Variants in ERAP1 observed in about 807,000 individuals in gnomAD.
ERAP1 encodes the protein adipocyte-derived leucine aminopeptidase.
Under a neutral mutation model 103.7 loss-of-function variants are expected in ERAP1, and 86 were observed. The observed-to-expected ratio is 0.83, with a 90% confidence interval of 0.70 to 0.99. The LOEUF (loss-of-function observed/expected upper bound fraction) is 0.99. Ranked by LOEUF, ERAP1 falls within the 50% of genes least tolerant of loss-of-function variation. The pLI is 0.00. For missense variants in ERAP1, 1,009 were observed against 1,128.4 expected (o/e 0.89, Z 1.52); for synonymous variants, 398 against 402.4 (o/e 0.99, Z 0.13).
chr5:96,887,387 G>A, the ERAP1 span, among the ~76,000 whole-genome samples: 1 of 148,528 alleles, frequency 6.7e-6, no homozygotes, highest in Non-Finnish European at 1.5e-5. Context: ...TGCAATCTCC[G>A]CCTCCTGGAT....
the ERAP1 span, among the ~76,000 whole-genome samples, chr5:96,871,187 G>A: frequency 6.6e-6 from 1 of 152,026 alleles, no homozygotes; most frequent in Non-Finnish European, 1.5e-5. Flanking sequence ...GAATCTGCTG[G>A]GCTCTGCCTT....
Position 96,775,305 on chromosome 5 carries a change from C to T in ERAP1, c.*1091G>A. The T allele has an allele frequency of 1.0e-6, 1 of 985,386 alleles. No individual in the cohort carries two copies. The highest frequency in any genetic ancestry group is 1.2e-6 in the Non-Finnish European group (1 of 829,878). The allele number at this position is 985,386 out of a possible 1,614,324, so 61.0% of individuals were successfully genotyped here. ...TCAAAGCCAAAGAATGTCCTATTTGCTAATATGAGCAAATATTTTGTTTCA... is the reference window on the plus strand; with the variant it reads ...TCAAAGCCAAAGAATGTCCTATTTGTTAATATGAGCAAATATTTTGTTTCA... On this transcript the variant is annotated 3_prime_UTR_variant, in exon 19 of 19. Transcript: ENST00000443439.
At chr5:96,891,493 GTGTGTGTATATATA>G in the ERAP1 span, among the ~76,000 whole-genome samples, 4 of 89,648 alleles carry the variant, frequency 4.5e-5, no homozygotes, top group Non-Finnish European at 6.6e-5. Context: ...ATGTGTGTGT[GTGTGTGTATATATA>G]TATATATATG....
chr5:96,774,997 GT>G lies in ERAP1; in HGVS notation c.*1398del, dbSNP rs1166647738. 1.0e-6 allele frequency: 1 copy of G among 985,408 alleles called. No homozygotes were observed. Among genetic ancestry groups the G allele is most frequent in the Admixed American group, 6.1e-5 (1 of 16,268 alleles). 61.0% of individuals were successfully genotyped at this position (985,408 alleles called of 1,614,324 possible). A position where few individuals can be genotyped will look rare whatever the true frequency, so the allele number is the denominator to read the frequency against. On this transcript the variant is annotated 3_prime_UTR_variant, in exon 19 of 19. Coordinates refer to ENST00000443439, the MANE Select transcript of ERAP1 (RefSeq NM_001040458.3). ...TTCAGTTTGAATTCTCCTTTGCCAG[GT>G]GTGAGGATTTCCGCACCTTAGAGTC...
the ERAP1 span, chr5:96,889,092 T>A: frequency 6.9e-7 from 1 of 1,448,674 alleles, no homozygotes; most frequent in Non-Finnish European, 9.5e-7. Flanking sequence ...CTTGAAAAGA[T>A]ACAGTCTGCC....
intron 15 of ERAP1, 44 bp downstream of exon 15, chr5:96,783,007 G>A (rs200539206): frequency 6.3e-7 from 1 of 1,590,370 alleles, no homozygotes; most frequent in East Asian, 2.2e-5. Context: ...AAACAGAAAA[G>A]ATGCCCTTCA....
rs751607776 is a variant in ERAP1 at position 96,788,562 on chromosome 5, T to C, written c.1648A>G (p.Met550Val). 1.2e-5 allele frequency: 20 copies of C among 1,614,174 alleles called. No homozygotes were observed. Among genetic ancestry groups the C allele is most frequent in the South Asian group, 4.4e-5 (4 of 91,088 alleles). The change falls in exon 11 of 19, where the codon ATG (methionine) becomes GTG (valine). Residue 550 changes from methionine (M) to valine (V), a missense_variant. Met to Val is a conservative substitution (Grantham distance 21). Transcript: ENST00000443439. ...TCCGGGGCGCCGTCAGAGCCCTTCA[T>C]GTAGTGCTCTTGCTTCATGTGTACA... ...RNVHMKQEHYMKGSDGAPDTG... is the reference protein window; with the variant it reads ...RNVHMKQEHYVKGSDGAPDTG...
At chr5:96,770,212 C>A (rs1008198904), downstream of ERAP1, 1 of 307,780 alleles carries the variant, frequency 3.2e-6, no homozygotes, top group Non-Finnish European at 6.4e-6. Flanking sequence ...CTTTTCTCCA[C>A]ACCCTTGCCG....
chr5:96,891,509 A>G, the ERAP1 span, among the ~76,000 whole-genome samples: 118 of 31,476 alleles, frequency 3.7e-3, 1 homozygote, highest in East Asian at 0.015. Flanking sequence ...GTATATATAT[A>G]TATATATGCC....
the ERAP1 span, among the ~76,000 whole-genome samples, chr5:96,852,667 T>A: frequency 6.6e-6 from 1 of 152,318 alleles, no homozygotes; most frequent in Non-Finnish European, 1.5e-5. Context: ...CGAAGTCCTA[T>A]ATTCAAGGCT....
rs1186325270 is a variant in ERAP1 at position 96,775,680 on chromosome 5, C to CAGTT, written c.*712_*715dup. 6 of 224,814 alleles carry CAGTT rather than the reference C, an allele frequency of 2.7e-5. No individual in the cohort carries two copies. Among genetic ancestry groups the CAGTT allele is most frequent in the Middle Eastern group, 4.4e-3 (2 of 456 alleles). 13.9% of individuals were successfully genotyped at this position (224,814 alleles called of 1,614,324 possible). A position where few individuals can be genotyped will look rare whatever the true frequency, so the allele number is the denominator to read the frequency against. On this transcript the variant is annotated 3_prime_UTR_variant, in exon 19 of 19. Transcript: ENST00000443439. ...TAATCCTGAAGGGATGAGGAGGGAG[C>CAGTT]AGTTACCAAAATCCAGAGGTGGAGA...
chr5:96,829,490 C>T, the ERAP1 span, among the ~76,000 whole-genome samples: 2 of 152,292 alleles, frequency 1.3e-5, no homozygotes, highest in East Asian at 3.9e-4. Context: ...GAATTCTTTC[C>T]ATCCACTGTG....
chr5:96,794,099 G>A (rs76553822), intron 5 of ERAP1, 142 bp from the exon 6 acceptor site: 41,406 of 749,226 alleles, frequency 0.055, 1,860 homozygotes, highest in East Asian at 0.2. Context: ...CTTTCACAAT[G>A]GAGAAAAAGA....
chr5:96,878,569 G>C, the ERAP1 span, among the ~76,000 whole-genome samples: 13 of 152,228 alleles, frequency 8.5e-5, no homozygotes, highest in South Asian at 2.7e-3. Context: ...TGAGACATCA[G>C]GATTGCTTGA....
intron 1 of ERAP1, among the ~76,000 whole-genome samples, chr5:96,807,029 T>A (rs1778700619): frequency 6.6e-6 from 1 of 152,170 alleles, no homozygotes. Context: ...TCAGAGCGAA[T>A]CCTCTGGGTG....
exon 20 of ERAP1, chr5:96,762,326 C>T: frequency 6.2e-7 from 1 of 1,608,370 alleles, no homozygotes; most frequent in Non-Finnish European, 8.5e-7. Flanking sequence ...GTTTCCCAAA[C>T]CCCAGCTTCA....
the ERAP1 span, among the ~76,000 whole-genome samples, chr5:96,928,225 C>T: frequency 3.3e-5 from 5 of 152,204 alleles, no homozygotes; most frequent in South Asian, 1.0e-3. Flanking sequence ...TTGAAGCATA[C>T]TTTGTTGATA....
At chr5:96,917,588 C>A in the ERAP1 span, 1 of 1,610,892 alleles carries the variant, frequency 6.2e-7, no homozygotes, top group Non-Finnish European at 8.5e-7. Context: ...GAGGACTTGG[C>A]TAATGGTTAA....
At chr5:96,896,965 T>TAAGTCATATGTTGGGTAAAGATAGACTG in the ERAP1 span, 4 of 987,684 alleles carry the variant, frequency 4.0e-6, no homozygotes, top group Non-Finnish European at 5.6e-6. Context: ...GTCAACCATA[T>TAAGTCATATGTTGGGTAAAGATAGACTG]TTATTCTGCT....
Sources: allele counts gnomAD v4.1 joint callset (sites outside exome capture counted in the v4.1 genomes callset), GRCh38; gene constraint gnomAD v4.1.1; transcripts MANE v1.5; gene names NCBI Gene and HGNC (gene_info 2026-07-23, HGNC 2026-07-21).